Variants in LIPI observed in about 807,000 individuals in gnomAD.
LIPI encodes the protein lipase I, also known as lipase member I.
Under a neutral mutation model 50.6 loss-of-function variants are expected in LIPI, and 59 were observed. The observed-to-expected ratio is 1.16, with a 90% CI of 0.94 to 1.45. The LOEUF (loss-of-function observed/expected upper bound fraction) is 1.45, where lower values mean the gene tolerates loss of function less well. Among genes scored for constraint, LIPI ranks in the 40% most tolerant of loss-of-function variants. The pLI is 0.00. For synonymous variants in LIPI, 203 were observed against 178.2 expected (o/e 1.14, Z -1.11); for missense variants, 586 against 536.3 (o/e 1.09, Z -0.92).
At chr21:14,136,036 C>A (rs147286154) in intron 9 of LIPI, among the ~76,000 whole-genome samples, 3 of 152,174 alleles carry the variant, frequency 2.0e-5, no homozygotes, top group Non-Finnish European at 4.4e-5. Context: ...CAGGCTCTAG[C>A]TCCTAGAAAA....
intron 7 of LIPI, among the ~76,000 whole-genome samples, chr21:14,161,971 T>C (rs371601358): frequency 2.1e-5 from 3 of 142,708 alleles, no homozygotes; most frequent in East Asian, 4.2e-4. Context: ...CTCAGCATAA[T>C]TCCCTGGAGG....
intron 1 of LIPI, among the ~76,000 whole-genome samples, chr21:14,199,565 A>G (rs2019979901): frequency 6.6e-6 from 1 of 151,734 alleles, no homozygotes; most frequent in South Asian, 2.1e-4. Context: ...TGAACATACC[A>G]GTGATGAGCT....
Position 14,181,800 on chromosome 21 carries a change from T to C in LIPI, c.601A>G (p.Thr201Ala), listed in dbSNP as rs771507325. The change falls in exon 4 of 10, where the codon ACG (threonine) becomes GCG (alanine). Residue 201 changes from threonine (T) to alanine (A), a missense_variant. Coordinates refer to ENST00000681601, the MANE Select transcript of LIPI (RefSeq NM_001302998.2). The stretch of plus-strand genomic sequence containing the variant: ...ATGACATCCACAAACTTTGCATCCG[T>C]GTAATCTAATCTGCTATATGGTGGT... ...RKPPYSRLDY[T>A]DAKFVDVIHS... The C allele has an allele frequency of 2.4e-5, 38 of 1,612,472 alleles. No homozygotes were observed. In the Admixed American group the frequency reaches 6.2e-4, roughly 26 times the overall value.
chr21:14,171,106 C>T (rs77432272), intron 4 of LIPI, among the ~76,000 whole-genome samples: 13,319 of 148,064 alleles, frequency 0.09, 721 homozygotes, highest in Admixed American at 0.15. Flanking sequence ...GAGTGAACTC[C>T]CATTCACAAT....
At chr21:14,112,367 A>C (rs920557341) in intron 9 of LIPI, among the ~76,000 whole-genome samples, 7 of 151,946 alleles carry the variant, frequency 4.6e-5, no homozygotes, top group Middle Eastern at 3.2e-3. Context: ...TTCTATTTCA[A>C]TGGAGAATGT....
At chr21:14,170,349 C>T (rs971066142) in intron 4 of LIPI, among the ~76,000 whole-genome samples, 6 of 152,172 alleles carry the variant, frequency 3.9e-5, no homozygotes, top group Non-Finnish European at 8.8e-5. Flanking sequence ...AGGGAATCCT[C>T]CCTAACTCAT....
chr21:14,110,632 C>T (rs1448139496), intron 9 of LIPI, among the ~76,000 whole-genome samples: 3 of 151,834 alleles, frequency 2.0e-5, no homozygotes, highest in Non-Finnish European at 4.4e-5. Context: ...TTAACACCTT[C>T]CCCTCCCAAC....
intron 9 of LIPI, among the ~76,000 whole-genome samples, chr21:14,109,950 A>G (rs13048561): frequency 0.5 from 75,562 of 151,306 alleles, 18,908 homozygotes; most frequent in Admixed American, 0.52. Flanking sequence ...ATAAAAAATA[A>G]AAACACTATA....
At chr21:14,174,268 A>G (rs1296107308) in intron 4 of LIPI, among the ~76,000 whole-genome samples, 1 of 152,114 alleles carries the variant, frequency 6.6e-6, no homozygotes, top group Non-Finnish European at 1.5e-5. Context: ...TGCTTAGATC[A>G]TTCATTCTCT....
intron 4 of LIPI, among the ~76,000 whole-genome samples, chr21:14,167,811 T>C (rs1312279980): frequency 6.6e-6 from 1 of 152,118 alleles, no homozygotes; most frequent in Non-Finnish European, 1.5e-5. Flanking sequence ...AGAGTGCCTC[T>C]CCTCCTCCAA....
chr21:14,109,424 T>G (rs1480560299), intron 9 of LIPI, among the ~76,000 whole-genome samples: 1 of 152,106 alleles, frequency 6.6e-6, no homozygotes, highest in Admixed American at 6.5e-5. Context: ...ATCATGATGG[T>G]CACCAGAAGA....
intron 9 of LIPI, among the ~76,000 whole-genome samples, chr21:14,119,541 C>T (rs1228419413): frequency 6.6e-6 from 1 of 152,094 alleles, no homozygotes; most frequent in East Asian, 1.9e-4. Context: ...TATGGATCCC[C>T]AACTACTCAC....
chr21:14,157,272 GA>G (rs1433816554), intron 7 of LIPI, among the ~76,000 whole-genome samples: 1 of 151,944 alleles, frequency 6.6e-6, no homozygotes, highest in Non-Finnish European at 1.5e-5. Context: ...AATGGGAAAT[GA>G]AGCTCTAGAG....
chr21:14,119,473 C>T (rs1204258180), intron 9 of LIPI, among the ~76,000 whole-genome samples: 1 of 152,188 alleles, frequency 6.6e-6, no homozygotes, highest in African/African-American at 2.4e-5. Context: ...TAGCATTCCT[C>T]AGCCAGACAC....
chr21:14,206,587 T>C (rs532385690), intron 1 of LIPI, among the ~76,000 whole-genome samples: 15 of 149,610 alleles, frequency 1.0e-4, no homozygotes, highest in East Asian at 5.9e-4. Flanking sequence ...CCTTTTTTTT[T>C]CTGATAATCT....
At chr21:14,142,561 G>A (rs1012423257) in intron 9 of LIPI, among the ~76,000 whole-genome samples, 2 of 150,972 alleles carry the variant, frequency 1.3e-5, no homozygotes, top group South Asian at 4.2e-4. Flanking sequence ...ATGGCTCACT[G>A]CAGCCTTGAC....
intron 4 of LIPI, among the ~76,000 whole-genome samples, chr21:14,178,404 C>T (rs995539960): frequency 2.6e-5 from 4 of 152,074 alleles, no homozygotes; most frequent in African/African-American, 9.7e-5. Flanking sequence ...TACCCATTTG[C>T]TTCAGTCTAG....
chr21:14,154,812 C>T (rs985895743), intron 7 of LIPI, among the ~76,000 whole-genome samples: 1 of 151,934 alleles, frequency 6.6e-6, no homozygotes, highest in Non-Finnish European at 1.5e-5. Context: ...ATATCTAAAG[C>T]CAACACCTAA....
intron 1 of LIPI, among the ~76,000 whole-genome samples, chr21:14,193,758 A>G (rs1217578564): frequency 6.6e-6 from 1 of 151,846 alleles, no homozygotes; most frequent in Non-Finnish European, 1.5e-5. Context: ...ACCACAGGCG[A>G]CAACAGAAAA....
Sources: allele counts gnomAD v4.1 joint callset (sites outside exome capture counted in the v4.1 genomes callset), GRCh38; gene constraint gnomAD v4.1.1; transcripts MANE v1.5; gene names NCBI Gene and HGNC (gene_info 2026-07-23, HGNC 2026-07-21).